SLC25A23: variants seen among roughly 807,000 people sequenced by gnomAD.
SLC25A23 encodes the protein solute carrier family 25 member 23.
Under a neutral mutation model 53.9 loss-of-function variants are expected in SLC25A23, and 32 were observed. The ratio of observed to expected loss-of-function variants is 0.59; its 90% CI spans 0.45 to 0.80. The LOEUF (loss-of-function observed/expected upper bound fraction) is 0.80. Among genes scored for constraint, SLC25A23 ranks in the 30% least tolerant of loss-of-function variants. SLC25A23 has a pLI of 0.00. For synonymous variants in SLC25A23, 275 were observed against 264.5 expected, an observed-to-expected ratio of 1.04 and a Z score of -0.38; for missense variants, 575 against 651.4, an observed-to-expected ratio of 0.88 and a Z score of 1.28.
chr19:6,447,662 G>A (rs1000292697), intron 8 of SLC25A23, among the ~76,000 whole-genome samples: 1 of 150,172 alleles, frequency 6.7e-6, no homozygotes, highest in South Asian at 2.1e-4. Context: ...GTGCCACCAG[G>A]CTTGGCTAAT....
intron 9 of SLC25A23, 137 bp from the exon 10 acceptor site, chr19:6,442,296 C>T (rs931765687): frequency 3.2e-6 from 2 of 620,398 alleles, no homozygotes; most frequent in Non-Finnish European, 5.6e-6. Flanking sequence ...ACCTACCACT[C>T]AGAGTCGAGA....
Position 6,454,973 on chromosome 19 carries a change from C to G in SLC25A23, c.484-256G>C, listed in dbSNP as rs74972092. Among the ~76,000 whole-genome samples, 2 of 152,164 alleles carry G rather than the reference C, an allele frequency of 1.3e-5. No homozygotes were observed. Among genetic ancestry groups the G allele is most frequent in the South Asian group, 4.1e-4 (2 of 4,826 alleles). On this transcript the variant is annotated intron_variant, in intron 4 of 9. Coordinates refer to ENST00000301454, the MANE Select transcript of SLC25A23 (RefSeq NM_024103.3). The surrounding 1 kb of genome is among the most constrained non-coding windows in gnomAD (Gnocchi z 4.3). ...ATCTGCCAAATCCCACTAAAGGATC[C>G]TATTCAAGTATCTGCCACATAAAGA...
rs573471810 is a variant in SLC25A23 at position 6,449,940 on chromosome 19, T to C, written c.1071+2372A>G. ...AGAACTCGGCTCACTGCAACCCCCA[T>C]GCCCCGCCCTGGGTTCAAGCGATTC... is the stretch of plus-strand genomic sequence containing the variant. On this transcript the variant is annotated intron_variant, in intron 8 of 9. Transcript: ENST00000301454. Among the ~76,000 whole-genome samples the C allele has an allele frequency of 3.5e-5, 5 of 143,420 alleles. No homozygotes were observed. In the South Asian group the frequency reaches 9.0e-4, roughly 26 times the overall value. The allele number at this position is 143,420 out of a possible 152,430, so 94.1% of individuals were successfully genotyped here.
At chr19:6,452,773 C>T (rs538382409) in intron 7 of SLC25A23, among the ~76,000 whole-genome samples, 19 of 152,150 alleles carry the variant, frequency 1.2e-4, no homozygotes, top group African/African-American at 2.9e-4. Context: ...GTGCTGGTCT[C>T]GAACTCCTGG....
At chr19:6,442,899 G>T (rs2092443407) in intron 9 of SLC25A23, among the ~76,000 whole-genome samples, 2 of 148,046 alleles carry the variant, frequency 1.4e-5, no homozygotes, top group South Asian at 4.3e-4. Context: ...CTCCCAAAGT[G>T]CTGGGATTAC....
At chr19:6,437,182 A>AT (rs932127122), downstream of SLC25A23, among the ~76,000 whole-genome samples, 5 of 151,642 alleles carry the variant, frequency 3.3e-5, no homozygotes, top group Non-Finnish European at 7.4e-5. Context: ...TAATTGAAAA[A>AT]TTTTTTGTAG....
chr19:6,453,239 GTTTTT>G, intron 7 of SLC25A23, among the ~76,000 whole-genome samples: 1 of 125,008 alleles, frequency 8.0e-6, no homozygotes, highest in East Asian at 2.3e-4. Context: ...TGTGATTGAA[GTTTTT>G]TTTTTTTTTT....
Position 6,457,552 on chromosome 19 carries a change from C to T in SLC25A23, c.322G>A (p.Ala108Thr). 2 of 1,614,050 alleles carry T rather than the reference C, an allele frequency of 1.2e-6. No individual in the cohort carries two copies. The highest frequency in any genetic ancestry group is 2.2e-5 in the East Asian group (1 of 44,884). ...TCCAGCGAGATGGAAATGCCCAGAG[C>T]TCGGAAACTCTGTTGGATCTCAGAG... ...DVSEIQQSFR[A>T]LGISISLEQA... The change falls in exon 3 of 10, where the codon GCT becomes ACT. Residue 108 changes from alanine (A) to threonine (T), a missense_variant. By Grantham distance (58) the Ala-to-Thr change is moderately conservative. Coordinates refer to ENST00000301454, the MANE Select transcript of SLC25A23 (RefSeq NM_024103.3).
At chr19:6,442,959 CAG>C (rs2092445526) in intron 9 of SLC25A23, among the ~76,000 whole-genome samples, 1 of 113,820 alleles carries the variant, frequency 8.8e-6, no homozygotes, top group Non-Finnish European at 1.8e-5. Context: ...TTTTTTGAGA[CAG>C]AGTTTTCACT....
Position 6,454,167 on chromosome 19 carries a change from AAAG to A in SLC25A23, c.796-82_796-80del. The stretch of plus-strand genomic sequence containing the variant: ...GCACTCCACTGTTCTCCTGGCTTCC[AAAG>A]AACTGGCTTGCTGCAGGCATTCATG... On this transcript the variant is annotated intron_variant, in intron 6 of 9. Coordinates refer to ENST00000301454, the MANE Select transcript of SLC25A23 (RefSeq NM_024103.3). This position sits in a 1 kb window ranked among gnomAD's most constrained non-coding sequence, Gnocchi z 4.3. 1.3e-6 allele frequency: 2 copies of A among 1,527,300 alleles called. No homozygotes were observed. The highest frequency in any genetic ancestry group is 1.8e-6 in the Non-Finnish European group (2 of 1,124,324). 94.6% of individuals were successfully genotyped at this position (1,527,300 alleles called of 1,614,324 possible). A position where few individuals can be genotyped will look rare whatever the true frequency, so the allele number is the denominator to read the frequency against.
At chr19:6,458,012 G>A (rs754207491) in intron 2 of SLC25A23, among the ~76,000 whole-genome samples, 186 bp downstream of exon 2, 2 of 152,022 alleles carry the variant, frequency 1.3e-5, no homozygotes, top group Non-Finnish European at 2.9e-5. Context: ...GAGGTGGGAT[G>A]GGCTGGCTGG....
At chr19:6,448,803 C>T (rs1442781999) in intron 8 of SLC25A23, among the ~76,000 whole-genome samples, 2 of 151,404 alleles carry the variant, frequency 1.3e-5, no homozygotes, top group East Asian at 4.0e-4. Context: ...GTGGTCGGAT[C>T]ACTTGACGTC....
chr19:6,456,554 A>G (rs1205103869), intron 3 of SLC25A23, 23 bp from the exon 4 acceptor site: 2 of 1,588,648 alleles, frequency 1.3e-6, no homozygotes, highest in Non-Finnish European at 1.7e-6. Flanking sequence ...AAGGGGGTGG[A>G]GGAGGACAGG....
intron 9 of SLC25A23, 125 bp from the exon 10 acceptor site, chr19:6,442,284 G>C: frequency 1.5e-6 from 1 of 645,578 alleles, no homozygotes. Flanking sequence ...ACTAACAGTG[G>C]GACCTACCAC....
intron 3 of SLC25A23, among the ~76,000 whole-genome samples, chr19:6,456,830 C>T (rs1008932134): frequency 2.0e-5 from 3 of 151,940 alleles, no homozygotes. Flanking sequence ...CAGGTGCACA[C>T]CACCATGCCC....
intron 1 of SLC25A23, 62 bp from the exon 2 acceptor site, chr19:6,458,386 C>T (rs2092713355): frequency 6.4e-6 from 10 of 1,565,008 alleles, no homozygotes; most frequent in Non-Finnish European, 8.7e-6. Flanking sequence ...GGAGGGGACG[C>T]ATGTCACCTT....
chr19:6,452,368 G>A lies in SLC25A23; in HGVS notation c.1015C>T (p.Leu339Phe), dbSNP rs1263878246. The change falls in exon 8 of 10, where the codon CTC becomes TTC. Residue 339 changes from leucine (L) to phenylalanine (F), a missense_variant. Transcript: ENST00000301454. ...GGGATGATGCCCAGCACGTTGGGGA[G>A]GTAGCCGCGGTAGAAGGCACGGGGC... ...EGPRAFYRGY[L>F]PNVLGIIPYA... 2 of 1,613,672 alleles carry A rather than the reference G, an allele frequency of 1.2e-6. No individual in the cohort carries two copies. Among genetic ancestry groups the A allele is most frequent in the Non-Finnish European group, 1.7e-6 (2 of 1,179,876 alleles).
intron 8 of SLC25A23, among the ~76,000 whole-genome samples, chr19:6,447,745 A>G (rs890346760): frequency 6.6e-6 from 1 of 152,010 alleles, no homozygotes; most frequent in Non-Finnish European, 1.5e-5. Flanking sequence ...ATCTCAGCTC[A>G]CTGCAACCTC....
rs149909893 is a variant in SLC25A23 at position 6,451,872 on chromosome 19, C to T, written c.1071+440G>A. On this transcript the variant is annotated intron_variant, in intron 8 of 9. Coordinates refer to ENST00000301454, the MANE Select transcript of SLC25A23 (RefSeq NM_024103.3). ...TTGAGAAGGAGTCTCGCTCTGTTGC[C>T]CAGGCTGCAGTGCAGTAGCTCTGTC... 6.1e-3 allele frequency among the ~76,000 whole-genome samples: 881 copies of T among 143,344 alleles called. 9 individuals are homozygous for T. Among genetic ancestry groups the T allele is most frequent in the African/African-American group, 0.024 (844 of 34,866 alleles). The allele number at this position is 143,344 out of a possible 152,430, so 94.0% of individuals were successfully genotyped here. A position where few individuals can be genotyped will look rare whatever the true frequency, so the allele number is the denominator to read the frequency against.
Sources: allele counts gnomAD v4.1 joint callset (sites outside exome capture counted in the v4.1 genomes callset), GRCh38; gene constraint gnomAD v4.1.1; non-coding constraint Gnocchi (gnomAD v3.1); transcripts MANE v1.5; gene names NCBI Gene and HGNC (gene_info 2026-07-23, HGNC 2026-07-21).